Variants in PSKH2 observed in about 807,000 individuals in gnomAD.
PSKH2 encodes the protein protein serine kinase H2.
Under a neutral mutation model 22.5 loss-of-function variants are expected in PSKH2, and 16 were observed. The ratio of observed to expected loss-of-function variants is 0.71; its 90% CI spans 0.48 to 1.08. PSKH2 has a LOEUF of 1.08. Among genes scored for constraint, PSKH2 ranks in the 50% least tolerant of loss-of-function variants. PSKH2 has a pLI of 0.00. For synonymous variants in PSKH2, 188 were observed against 184.8 expected, an observed-to-expected ratio of 1.02 and a Z score of -0.14; for missense variants, 516 against 492.8, an observed-to-expected ratio of 1.05 and a Z score of -0.44.
intron 2 of PSKH2, among the ~76,000 whole-genome samples, chr8:86,049,749 A>AGAAAGGAAAG (rs1563538773): frequency 1.2e-4 from 2 of 16,840 alleles, no homozygotes; most frequent in Non-Finnish European, 2.5e-4. Flanking sequence ...AAAGAAAGAA[A>AGAAAGGAAAG]CGAAAGAAAG....
intron 2 of PSKH2, among the ~76,000 whole-genome samples, chr8:86,060,253 G>T (rs1387199241): frequency 6.6e-6 from 1 of 151,948 alleles, no homozygotes; most frequent in Non-Finnish European, 1.5e-5. Flanking sequence ...TCTTCTTTAA[G>T]TCTCATCTTT....
chr8:86,069,372 C>A, intron 1 of PSKH2, 66 bp downstream of exon 1: 2 of 1,417,888 alleles, frequency 1.4e-6, no homozygotes, highest in East Asian at 2.5e-5. Context: ...AACCTCGAGG[C>A]GGTCTTGGCC....
At chr8:86,048,907 T>C (rs1586055514) in intron 2 of PSKH2, 140 bp from the exon 3 acceptor site, 1 of 653,940 alleles carries the variant, frequency 1.5e-6, no homozygotes, top group East Asian at 2.8e-5. Context: ...TTTAATACTG[T>C]GTCATTACAT....
At chr8:86,068,605 A>G (rs1459956841) in intron 1 of PSKH2, among the ~76,000 whole-genome samples, 3 of 152,196 alleles carry the variant, frequency 2.0e-5, no homozygotes, top group Non-Finnish European at 4.4e-5. Context: ...CGAAGGAAGG[A>G]AAAAAGCTAA....
At chr8:86,050,127 C>A (rs1244731720) in intron 2 of PSKH2, among the ~76,000 whole-genome samples, 1 of 152,216 alleles carries the variant, frequency 6.6e-6, no homozygotes, top group African/African-American at 2.4e-5. Flanking sequence ...ACAATAGCAG[C>A]ACTTCATAGT....
chr8:86,056,429 T>G (rs1817698901), intron 2 of PSKH2, among the ~76,000 whole-genome samples: 1 of 152,204 alleles, frequency 6.6e-6, no homozygotes, highest in Admixed American at 6.5e-5. Context: ...TGGAATATAA[T>G]TAGACAAGAA....
chr8:86,050,246 C>T lies in PSKH2; in HGVS notation c.853-1479G>A, dbSNP rs183602187. On this transcript the variant is annotated intron_variant, in intron 2 of 2. Transcript: ENST00000276616. ...ACAATTTAATCTGAGGAATGCAAGC[C>T]CCTTTAAATTATCAGGCCAAGAGAG... 4.6e-5 allele frequency among the ~76,000 whole-genome samples: 7 copies of T among 152,206 alleles called. No individual in the cohort carries two copies. The South Asian group carries it at 8.3e-4, about 18-fold the overall frequency.
intron 2 of PSKH2, among the ~76,000 whole-genome samples, chr8:86,061,241 T>C (rs1817774323): frequency 6.6e-6 from 1 of 152,190 alleles, no homozygotes; most frequent in African/African-American, 2.4e-5. Context: ...AGTCTATCCA[T>C]AATAAATCAC....
Position 86,069,618 on chromosome 8 carries a change from C to T in PSKH2, c.5G>A (p.Gly2Glu), listed in dbSNP as rs770519832. The T allele has an allele frequency of 1.3e-6, 2 of 1,571,840 alleles. No homozygotes were observed. Among genetic ancestry groups the T allele is most frequent in the African/African-American group, 1.4e-5 (1 of 72,546 alleles). The stretch of plus-strand genomic sequence containing the variant: ...GACCACCTTCCTGCTGGCGCCGCAC[C>T]CCATACCCGCAACACGCCCGCCGCT... M[G>E]CGASRKVVPG... Residue 2 changes from glycine (G) to glutamate (E), a missense_variant, in exon 1 of 3, where the codon GGG becomes GAG. Coordinates refer to ENST00000276616, the MANE Select transcript of PSKH2 (RefSeq NM_033126.3).
chr8:86,059,517 T>G (rs79826875), intron 2 of PSKH2, among the ~76,000 whole-genome samples: 1 of 151,980 alleles, frequency 6.6e-6, no homozygotes, highest in Non-Finnish European at 1.5e-5. Context: ...TCATGACCCC[T>G]CTCTCCATCT....
chr8:86,068,614 A>G lies in PSKH2; in HGVS notation c.185+824T>C, dbSNP rs1001911952. Among the ~76,000 whole-genome samples, 4 of 152,160 alleles carry G rather than the reference A, an allele frequency of 2.6e-5. 1 individual carries two copies. The highest frequency in any genetic ancestry group is 5.9e-5 in the Non-Finnish European group (4 of 68,020). ...TAGAAACGAAGGAAGGAAAAAAGCT[A>G]AGGAATGTTCTACATGGTACATGAT... On this transcript the variant is annotated intron_variant, in intron 1 of 2. Coordinates refer to ENST00000276616, the MANE Select transcript of PSKH2 (RefSeq NM_033126.3).
At chr8:86,068,481 A>G (rs1398813239) in intron 1 of PSKH2, among the ~76,000 whole-genome samples, 1 of 152,214 alleles carries the variant, frequency 6.6e-6, no homozygotes, top group Non-Finnish European at 1.5e-5. Context: ...CATTGCACTA[A>G]TGTCTGCATG....
At position 86,048,217 on chromosome 8, in the gene PSKH2, T is replaced by C. The variant is rs979222627; in HGVS notation, c.*245A>G. 6.6e-6 allele frequency among the ~76,000 whole-genome samples: 1 copy of C among 152,244 alleles called. No individual in the cohort carries two copies. Among genetic ancestry groups the C allele is most frequent in the Non-Finnish European group, 1.5e-5 (1 of 68,044 alleles). On this transcript the variant is annotated 3_prime_UTR_variant, in exon 3 of 3. Transcript: ENST00000276616. ...ATTACATACTTTAAAGATTTTCTTA[T>C]CTATTTATTGTTTCCAGTTATCTAA...
rs1221425816 is a variant in PSKH2, at chr8:86,048,727, T to C, written c.893A>G (p.Asp298Gly). ...ACCAGCCTCCAAAATCAGTAGTTTG[T>C]CTATAAAGTCCTTCGCCAAGTGGGA... ...SISHLAKDFI[D>G]KLLILEAGHR... Residue 298 changes from aspartate to glycine, a missense_variant, in exon 3 of 3, where the codon GAC becomes GGC. Transcript: ENST00000276616. 2 of 1,613,684 alleles carry C rather than the reference T, an allele frequency of 1.2e-6. No individual in the cohort carries two copies. Among genetic ancestry groups the C allele is most frequent in the African/African-American group, 2.7e-5 (2 of 75,020 alleles).
Position 86,064,545 on chromosome 8 carries a change from AT to A in PSKH2, c.271del (p.Ile91Ter), listed in dbSNP as rs1055449268. The A allele has an allele frequency of 6.2e-7, 1 of 1,613,422 alleles. No individual in the cohort carries two copies. The highest frequency in any genetic ancestry group is 8.5e-7 in the Non-Finnish European group (1 of 1,179,886). On this transcript the variant is annotated frameshift_variant, in exon 2 of 3. Coordinates refer to ENST00000276616, the MANE Select transcript of PSKH2 (RefSeq NM_033126.3). LOFTEE classifies it high-confidence loss of function. ...CCTCTCTCTGGTTTCCATCACTTTT[AT>A]TGCAAAAGGTTTCTTGGTGGTCTTC... ...EQKTTKKPFAIKVMETREREG... is the reference protein window; with the variant it reads ...EQKTTKKPFAXKVMETREREG...
At chr8:86,055,174 T>C (rs1817684013) in intron 2 of PSKH2, among the ~76,000 whole-genome samples, 1 of 152,176 alleles carries the variant, frequency 6.6e-6, no homozygotes. Context: ...TAATATTAAG[T>C]CAGTTTCTGG....
intron 2 of PSKH2, among the ~76,000 whole-genome samples, chr8:86,056,166 C>CCTGTA (rs1352774894): frequency 1.3e-5 from 2 of 151,836 alleles, no homozygotes; most frequent in Non-Finnish European, 2.9e-5. Context: ...GTGGCACATA[C>CCTGTA]CTGTAGTTCC....
At chr8:86,058,421 C>A (rs1015978763) in intron 2 of PSKH2, among the ~76,000 whole-genome samples, 1 of 152,222 alleles carries the variant, frequency 6.6e-6, no homozygotes, top group African/African-American at 2.4e-5. Context: ...GTCAGAAATT[C>A]TATGCTGTGT....
chr8:86,056,678 A>G (rs1276812032), intron 2 of PSKH2, among the ~76,000 whole-genome samples: 1 of 152,232 alleles, frequency 6.6e-6, no homozygotes, highest in African/African-American at 2.4e-5. Flanking sequence ...ACATATATAC[A>G]GCACTAACTC....
Sources: gnomAD v4.1 joint callset for allele counts (sites outside exome capture counted in the v4.1 genomes callset) on GRCh38, gnomAD v4.1.1 for gene constraint, MANE v1.5 for transcripts, NCBI Gene and HGNC (gene_info 2026-07-23, HGNC 2026-07-21) for gene names.